DEPDC4: variants seen among roughly 807,000 people sequenced by gnomAD.
DEPDC4 encodes DEP domain containing 4, also known as DEP domain-containing protein 4.
A neutral mutation model predicts 52.0 loss-of-function variants in DEPDC4; 52 were observed. The ratio of observed to expected loss-of-function variants is 1.00; its 90% confidence interval spans 0.80 to 1.26. The LOEUF (loss-of-function observed/expected upper bound fraction) is 1.26. Ranked by LOEUF, DEPDC4 falls within the 50% of genes most tolerant of loss-of-function variation. The pLI is 0.00. For synonymous variants in DEPDC4, 201 were observed against 196.8 expected (o/e 1.02, Z -0.18); for missense variants, 530 against 546.9 (o/e 0.97, Z 0.31).
chr12:100,273,763 T>C, the DEPDC4 span, among the ~76,000 whole-genome samples: 4 of 152,216 alleles, frequency 2.6e-5, no homozygotes, highest in Non-Finnish European at 4.4e-5. Context: ...TTTGAGCCCA[T>C]CTTAATATTT....
intron 7 of DEPDC4, 26 bp downstream of exon 7, chr12:100,252,150 G>C: frequency 1.7e-6 from 2 of 1,148,266 alleles, no homozygotes; most frequent in Non-Finnish European, 2.2e-6. Context: ...AGTAATAAAT[G>C]TGCCCAGGCA....
chr12:100,263,913 C>A lies in DEPDC4; in HGVS notation c.158-20G>T, dbSNP rs775150526. On this transcript the variant is annotated intron_variant, in intron 1 of 9. Coordinates refer to ENST00000550587, the MANE Select transcript of DEPDC4 (RefSeq NM_001364818.2). ...AGCATCCTGAAAAAAATTAAATATG[C>A]ATTTCTAACAAATCTAGATTATACA... 86 of 1,577,110 alleles carry A rather than the reference C, an allele frequency of 5.5e-5. No homozygotes were observed. Among genetic ancestry groups the A allele is most frequent in the Non-Finnish European group, 7.2e-5 (84 of 1,162,818 alleles).
chr12:100,250,094 C>T (rs1022536196), intron 7 of DEPDC4, among the ~76,000 whole-genome samples: 1 of 152,174 alleles, frequency 6.6e-6, no homozygotes, highest in African/African-American at 2.4e-5. Flanking sequence ...GTATCAGCCT[C>T]TAATCTCTAG....
At chr12:100,273,814 C>G in the DEPDC4 span, among the ~76,000 whole-genome samples, 1 of 152,198 alleles carries the variant, frequency 6.6e-6, no homozygotes, top group Non-Finnish European at 1.5e-5. Flanking sequence ...ATTGCTGTAA[C>G]TCTTTGGAGG....
chr12:100,262,519 A>G, intron 2 of DEPDC4, 110 bp from the exon 3 acceptor site: 1 of 822,814 alleles, frequency 1.2e-6, no homozygotes. Flanking sequence ...ATTTCCAAAA[A>G]CGATTTCAGG....
Position 100,241,691 on chromosome 12 carries a change from G to T in DEPDC4, c.*201C>A. The T allele has an allele frequency of 8.0e-7, 1 of 1,252,416 alleles. No individual in the cohort carries two copies. The highest frequency in any genetic ancestry group is 1.0e-6 in the Non-Finnish European group (1 of 973,596). The allele number at this position is 1,252,416 out of a possible 1,614,324, so 77.6% of individuals were successfully genotyped here. On this transcript the variant is annotated 3_prime_UTR_variant, in exon 10 of 10. Transcript: ENST00000550587. ...AATGTTAATTCAAAGCTTCTGGATG[G>T]TGTTTTTGAAATTCCTTAATTAATT...
chr12:100,267,695 G>A (rs1202355004), upstream of DEPDC4: 2 of 152,526 alleles, frequency 1.3e-5, no homozygotes, highest in African/African-American at 4.8e-5. Flanking sequence ...GAAGTCAGCT[G>A]CCGGAGGGAG....
chr12:100,274,440 T>C, the DEPDC4 span, among the ~76,000 whole-genome samples: 1 of 152,252 alleles, frequency 6.6e-6, no homozygotes, highest in African/African-American at 2.4e-5. Context: ...TATATATCTC[T>C]GTGACAACCA....
the DEPDC4 span, among the ~76,000 whole-genome samples, chr12:100,272,707 G>T: frequency 1.3e-5 from 2 of 151,924 alleles, no homozygotes; most frequent in Non-Finnish European, 2.9e-5. Context: ...GTGAAATTGG[G>T]GGTGGGGTAG....
chr12:100,263,810 T>C lies in DEPDC4; in HGVS notation c.241A>G (p.Arg81Gly). The change falls in exon 2 of 10, where the codon AGG (arginine) becomes GGG (glycine). Residue 81 changes from arginine to glycine, a missense_variant. Transcript: ENST00000550587. ...TCTTTGTATGTCTGTAAATGATGCCTCCTTCTTTTTATTTCCACTTGGGCC... is the reference window on the plus strand; with the variant it reads ...TCTTTGTATGTCTGTAAATGATGCCCCCTTCTTTTTATTTCCACTTGGGCC... The part of the protein sequence containing the change: ...LQAQVEIKRR[R>G]HHLQTYKDCF... 1 of 1,614,194 alleles carries C rather than the reference T, an allele frequency of 6.2e-7. No individual in the cohort carries two copies. Among genetic ancestry groups the C allele is most frequent in the Non-Finnish European group, 8.5e-7 (1 of 1,180,024 alleles).
chr12:100,256,182 G>C lies in DEPDC4; in HGVS notation c.745C>G (p.His249Asp), dbSNP rs767452547. The C allele has an allele frequency of 6.2e-7, 1 of 1,612,698 alleles. No individual in the cohort carries two copies. The highest frequency in any genetic ancestry group is 1.1e-5 in the South Asian group (1 of 90,992). Residue 249 changes from histidine (H) to aspartate (D), a missense_variant, in exon 4 of 10, where the codon CAC (histidine) becomes GAC (aspartate). His to Asp is a moderately conservative substitution (Grantham distance 81). Transcript: ENST00000550587. ...QTLLCLLQLI[H>D]LPFLDNILEP... ...AAAATATTGTCCAAGAATGGAAGGTGAATCAATTGAAGAAGACATAATAAT... is the reference window on the plus strand; with the variant it reads ...AAAATATTGTCCAAGAATGGAAGGTCAATCAATTGAAGAAGACATAATAAT...
upstream of DEPDC4, chr12:100,267,206 C>T (rs982423364): frequency 1.1e-5 from 11 of 987,774 alleles, no homozygotes; most frequent in African/African-American, 1.6e-4. Context: ...TACTCTTCGT[C>T]CCCGGTCCCT....
downstream of DEPDC4, among the ~76,000 whole-genome samples, chr12:100,237,309 G>C (rs1247834685): frequency 6.6e-6 from 1 of 151,484 alleles, no homozygotes; most frequent in Non-Finnish European, 1.5e-5. Flanking sequence ...CCAAGTTCAA[G>C]TGATTCTCCT....
intron 5 of DEPDC4, 106 bp from the exon 6 acceptor site, chr12:100,252,642 G>C: frequency 4.5e-6 from 5 of 1,123,360 alleles, no homozygotes; most frequent in Non-Finnish European, 6.1e-6. Context: ...GTATTAGTTT[G>C]CAGGTTCTTT....
Position 100,240,241 on chromosome 12 carries a change from A to G in DEPDC4, c.*1651T>C, listed in dbSNP as rs1000267642. 1.2e-4 allele frequency among the ~76,000 whole-genome samples: 18 copies of G among 152,222 alleles called. No homozygotes were observed. The highest frequency in any genetic ancestry group is 4.3e-4 in the African/African-American group (18 of 41,550). ...GCAATCATAGCTCACTGCAGCCTAA[A>G]ACTCCTGGGCTCAAGAGATCCTCCC... On this transcript the variant is annotated 3_prime_UTR_variant, in exon 10 of 10. Transcript: ENST00000550587.
chr12:100,259,081 A>ATATATATATATAT (rs1555312803), intron 3 of DEPDC4, among the ~76,000 whole-genome samples: 1,965 of 149,108 alleles, frequency 0.013, 19 homozygotes, highest in Middle Eastern at 0.045. Context: ...AAAAAAAAAA[A>ATATATATATATAT]ATATATATAT....
chr12:100,251,718 C>T (rs1592885034), intron 7 of DEPDC4, among the ~76,000 whole-genome samples: 1 of 152,154 alleles, frequency 6.6e-6, no homozygotes, highest in African/African-American at 2.4e-5. Context: ...CAGGCACGCG[C>T]CACCACACCT....
intron 5 of DEPDC4, among the ~76,000 whole-genome samples, chr12:100,252,851 A>C (rs2096214231): frequency 7.5e-6 from 1 of 133,696 alleles, no homozygotes; most frequent in Admixed American, 7.5e-5. Context: ...AAAGGTCATC[A>C]AATTAATAAC....
At chr12:100,233,939 C>G (rs2096137839) in intron 9 of DEPDC4, among the ~76,000 whole-genome samples, 1 of 151,382 alleles carries the variant, frequency 6.6e-6, no homozygotes, top group South Asian at 2.1e-4. Context: ...ATGGCGAAAC[C>G]CTGTCTCTTA....
Sources: allele counts gnomAD v4.1 joint callset (sites outside exome capture counted in the v4.1 genomes callset), GRCh38; gene constraint gnomAD v4.1.1; transcripts MANE v1.5; gene names NCBI Gene and HGNC (gene_info 2026-07-23, HGNC 2026-07-21).